The following TESPA1 variants were observed in gnomAD, a reference collection of about 807,000 sequenced individuals.
The protein encoded by TESPA1 is protein TESPA1.
A neutral mutation model predicts 57.9 loss-of-function variants in TESPA1; 33 were observed. That is an observed-to-expected ratio of 0.57 (90% confidence interval 0.43 to 0.76). The LOEUF is 0.76. Ranked by LOEUF, TESPA1 falls within the 30% of genes least tolerant of loss-of-function variation. The pLI is 0.00. For missense variants in TESPA1, 618 were observed against 632.9 expected (o/e 0.98, Z 0.25); for synonymous variants, 227 against 228.9 (o/e 0.99, Z 0.07).
chr12:54,960,734 CT>C (rs1951021621), intron 10 of TESPA1, among the ~76,000 whole-genome samples: 1 of 152,196 alleles, frequency 6.6e-6, no homozygotes, highest in African/African-American at 2.4e-5. Flanking sequence ...GCTGATGCTC[CT>C]TGTATCTGTA....
intron 1 of TESPA1, among the ~76,000 whole-genome samples, chr12:54,982,159 A>G (rs991794823): frequency 6.6e-6 from 1 of 152,202 alleles, no homozygotes; most frequent in Non-Finnish European, 1.5e-5. Context: ...CCCCCATTTG[A>G]CATACCCCAA....
Position 54,967,852 on chromosome 12 carries a change from T to TAAACTGTCCTGCTTCCTCAGAAAATCC in TESPA1, c.220_246dup (p.Gly74_Phe82dup), listed in dbSNP as rs1225929631. On this transcript the variant is annotated inframe_insertion, in exon 4 of 11. Coordinates refer to ENST00000449076, the MANE Select transcript of TESPA1 (RefSeq NM_001136030.3). ...CAGAACCTATACTCACCATTGTAGA[T>TAAACTGTCCTGCTTCCTCAGAAAATCC]AAACTGTCCTGCTTCCTCAGAAAAT... is the stretch of plus-strand genomic sequence containing the variant. 1.2e-6 allele frequency: 2 copies of TAAACTGTCCTGCTTCCTCAGAAAATCC among 1,613,712 alleles called. No individual in the cohort carries two copies. The highest frequency in any genetic ancestry group is 1.7e-6 in the Non-Finnish European group (2 of 1,179,716).
rs182782576 is a variant in TESPA1 at position 54,981,194 on chromosome 12, A to T, written c.-46+3391T>A. ...CCCTGATGTATAAAGGTGGTGCTTA[A>T]TAAGTGATAGATATGATTATGATTA... is the stretch of plus-strand genomic sequence containing the variant. On this transcript the variant is annotated intron_variant, in intron 1 of 10. Coordinates refer to ENST00000449076, the MANE Select transcript of TESPA1 (RefSeq NM_001136030.3). 2.0e-4 allele frequency among the ~76,000 whole-genome samples: 31 copies of T among 152,314 alleles called. No individual in the cohort carries two copies. In the East Asian group the frequency reaches 3.9e-3, roughly 19 times the overall value.
rs1363992382 is a variant in TESPA1, at chr12:54,961,173, G to A, written c.1562C>T (p.Ser521Leu). The A allele has an allele frequency of 2.5e-6, 4 of 1,613,896 alleles. No individual in the cohort carries two copies. Among genetic ancestry groups the A allele is most frequent in the Non-Finnish European group, 1.7e-6 (2 of 1,179,862 alleles). ...HHHQTFAGKDS is the reference protein window; with the variant it reads ...HHHQTFAGKDL ...CCTGAGAGAGGCCCACTTACTTCAC[G>A]AGTCTTTGCCAGCAAAAGTCTGGTG... The change falls in exon 10 of 11, where the codon TCG (serine) becomes TTG (leucine). Residue 521 changes from serine (S) to leucine (L), a missense_variant. Coordinates refer to ENST00000449076, the MANE Select transcript of TESPA1 (RefSeq NM_001136030.3).
At chr12:54,971,829 T>C (rs1277615307) in intron 3 of TESPA1, among the ~76,000 whole-genome samples, 1 of 152,184 alleles carries the variant, frequency 6.6e-6, no homozygotes, top group Non-Finnish European at 1.5e-5. Context: ...AGAGTTAATA[T>C]GTATCATTTC....
intron 1 of TESPA1, 45 bp downstream of exon 1, chr12:54,984,540 C>T (rs1024581569): frequency 2.0e-5 from 3 of 152,156 alleles, no homozygotes; most frequent in Non-Finnish European, 4.4e-5. Flanking sequence ...CTAGCATCAC[C>T]CTAAATCAGT....
At position 54,949,582 on chromosome 12, in the gene TESPA1, A is replaced by G. The variant is rs1214288072; in HGVS notation, c.*810T>C. ...GCCCTGTTTATTGACAAAACATTTA[A>G]CTTCCAAAGCAAACTACAGCTGTTA... On this transcript the variant is annotated 3_prime_UTR_variant, in exon 11 of 11. Transcript: ENST00000449076. The G allele has an allele frequency of 6.6e-6, 1 of 152,360 alleles. No homozygotes were observed. Among genetic ancestry groups the G allele is most frequent in the Admixed American group, 6.5e-5 (1 of 15,272 alleles). The allele number at this position is 152,360 out of a possible 1,614,324, so 9.4% of individuals were successfully genotyped here. A position where few individuals can be genotyped will look rare whatever the true frequency, so the allele number is the denominator to read the frequency against.
chr12:54,973,365 T>A, intron 3 of TESPA1, 112 bp downstream of exon 3: 2 of 1,493,364 alleles, frequency 1.3e-6, no homozygotes, highest in Non-Finnish European at 1.9e-6. Context: ...TTACTTCTAA[T>A]CTTTAGGCCC....
Position 54,963,114 on chromosome 12 carries a change from T to C in TESPA1, c.784A>G (p.Thr262Ala). The C allele has an allele frequency of 2.5e-6, 4 of 1,613,824 alleles. No individual in the cohort carries two copies. The highest frequency in any genetic ancestry group is 2.5e-6 in the Non-Finnish European group (3 of 1,179,858). Residue 262 changes from threonine (T) to alanine (A), a missense_variant, in exon 9 of 11, where the codon ACT becomes GCT. By Grantham distance (58) the Thr-to-Ala change is moderately conservative (BLOSUM62 0). Coordinates refer to ENST00000449076, the MANE Select transcript of TESPA1 (RefSeq NM_001136030.3). ...AGAATCCTGATGGATGGCACATCAG[T>C]TGGATGGTTGCAATTCCAGAACATG... Reference protein sequence around the residue: ...SHMFWNCNHPTDVPSIRILSR... With the variant: ...SHMFWNCNHPADVPSIRILSR...
In TESPA1 at chr12:54,966,496, A is replaced by C. The variant is rs531377221; in HGVS notation, c.311-72T>G. ...AAAATCACCTGTGTTGCCCCTCTGA[A>C]CCTAAAACTCAGTCCCCTCTGTTTC... On this transcript the variant is annotated intron_variant, in intron 5 of 10. Coordinates refer to ENST00000449076, the MANE Select transcript of TESPA1 (RefSeq NM_001136030.3). 3.9e-4 allele frequency: 608 copies of C among 1,546,082 alleles called. 4 individuals carry two copies. Among genetic ancestry groups the C allele is most frequent in the Admixed American group, 7.9e-4 (43 of 54,580 alleles).
intron 8 of TESPA1, 68 bp downstream of exon 8, chr12:54,963,674 C>T (rs1289406865): frequency 2.6e-6 from 4 of 1,516,214 alleles, no homozygotes; most frequent in African/African-American, 2.8e-5. Flanking sequence ...GATTTGAAGC[C>T]ACTGAGCCCT....
chr12:54,970,696 T>C (rs4759125), intron 3 of TESPA1, among the ~76,000 whole-genome samples: 55,433 of 152,074 alleles, frequency 0.36, 13,002 homozygotes, highest in East Asian at 0.92. Flanking sequence ...TTGCTCCCCT[T>C]TTCCCACCCT....
rs912527619 is a variant in TESPA1, at chr12:54,962,747, G to A, written c.1151C>T (p.Ser384Leu). ...TVLAPSQTLD[S>L]NPKVPCCTHS... ...TGTGCAACAGGGTACCTTGGGGTTCGAATCCAGAGTTTGGGATGGTGCTAG... is the reference window on the plus strand; with the variant it reads ...TGTGCAACAGGGTACCTTGGGGTTCAAATCCAGAGTTTGGGATGGTGCTAG... Residue 384 changes from serine (S) to leucine (L), a missense_variant, in exon 9 of 11, where the codon TCG becomes TTG. By Grantham distance (145) the Ser-to-Leu change is moderately radical. Transcript: ENST00000449076. The A allele has an allele frequency of 9.9e-6, 16 of 1,613,756 alleles. No homozygotes were observed. The highest frequency in any genetic ancestry group is 1.3e-5 in the African/African-American group (1 of 74,882).
intron 10 of TESPA1, among the ~76,000 whole-genome samples, chr12:54,959,959 G>A (rs1199371482): frequency 6.6e-6 from 1 of 152,150 alleles, no homozygotes; most frequent in Non-Finnish European, 1.5e-5. Context: ...AGAAACAAGA[G>A]TGATTAGATT....
chr12:54,982,859 C>T (rs1437447906), intron 1 of TESPA1, among the ~76,000 whole-genome samples: 3 of 152,164 alleles, frequency 2.0e-5, no homozygotes, highest in African/African-American at 7.2e-5. Context: ...AATATCTACA[C>T]ACTCTCTTCT....
rs1182623335 is a variant in TESPA1 at position 54,963,902 on chromosome 12, G to A, written c.495C>T (p.Leu165=). The A allele has an allele frequency of 2.5e-6, 4 of 1,613,934 alleles. No individual in the cohort carries two copies. The highest frequency in any genetic ancestry group is 4.5e-5 in the East Asian group (2 of 44,902). Residue 165 remains leucine (L), a synonymous_variant, in exon 8 of 11, where the codon CTC becomes CTT. Coordinates refer to ENST00000449076, the MANE Select transcript of TESPA1 (RefSeq NM_001136030.3). ...DKVQEDAEDV[L]FSLGFGQEDH... is the part of the protein sequence containing the mutation. The stretch of plus-strand genomic sequence containing the variant: ...CCTCTTGGCCAAAGCCCAGACTGAA[G>A]AGGACATCTTCTGCATCTTCTTGCA...
chr12:54,950,424 A>AT, intron 10 of TESPA1, 34 bp from the exon 11 acceptor site: 2 of 435,814 alleles, frequency 4.6e-6, no homozygotes, highest in South Asian at 3.3e-5. Flanking sequence ...CATATCATGC[A>AT]TTTTTTAAAC....
chr12:54,955,741 C>G (rs774441078), intron 10 of TESPA1, among the ~76,000 whole-genome samples: 6 of 152,294 alleles, frequency 3.9e-5, no homozygotes, highest in Non-Finnish European at 8.8e-5. Flanking sequence ...AACTTTCTTT[C>G]TTTTACACCT....
intron 10 of TESPA1, among the ~76,000 whole-genome samples, chr12:54,957,765 T>A (rs574342995): frequency 1.3e-5 from 2 of 152,222 alleles, no homozygotes; most frequent in Non-Finnish European, 2.9e-5. Context: ...AAAAAGTGCA[T>A]TTAATTTATA....
Sources: allele counts gnomAD v4.1 joint callset (sites outside exome capture counted in the v4.1 genomes callset), GRCh38; gene constraint gnomAD v4.1.1; transcripts MANE v1.5; gene names NCBI Gene and HGNC (gene_info 2026-07-23, HGNC 2026-07-21).